The following MYO3A variants were observed in gnomAD, a reference collection of about 807,000 sequenced individuals.
MYO3A encodes the protein myosin-IIIa.
Under a neutral mutation model 192.7 loss-of-function variants are expected in MYO3A, and 180 were observed. The observed-to-expected ratio is 0.93, with a 90% CI of 0.83 to 1.06. The LOEUF (loss-of-function observed/expected upper bound fraction) is 1.06. Among genes scored for constraint, MYO3A ranks in the 50% least tolerant of loss-of-function variants. The pLI, the probability that MYO3A is intolerant of heterozygous loss-of-function variation, is 0.00. For missense variants in MYO3A, 1,896 were observed against 1,905.0 expected (o/e 1.00, Z 0.09); for synonymous variants, 628 against 645.3 (o/e 0.97, Z 0.41).
At chr10:26,178,947 G>A (rs1293252286) in intron 31 of MYO3A, among the ~76,000 whole-genome samples, 9 of 151,588 alleles carry the variant, frequency 5.9e-5, no homozygotes, top group African/African-American at 1.9e-4. Flanking sequence ...GGCTCCAGGC[G>A]CCAGCCACCA....
intron 28 of MYO3A, among the ~76,000 whole-genome samples, chr10:26,169,093 C>T (rs1458750171): frequency 6.6e-6 from 1 of 152,118 alleles, no homozygotes; most frequent in Non-Finnish European, 1.5e-5. Context: ...TTTAACTTTT[C>T]TGTCAAGAAT....
At chr10:26,011,157 A>C (rs1055556956) in intron 6 of MYO3A, among the ~76,000 whole-genome samples, 4 of 152,130 alleles carry the variant, frequency 2.6e-5, no homozygotes, top group Admixed American at 2.6e-4. Context: ...GGCCCAGGGT[A>C]GTGGCTCACA....
rs1355050159 is a variant in MYO3A at position 26,168,859 on chromosome 10, A to C, written c.3259A>C (p.Ile1087Leu). 6.2e-7 allele frequency: 1 copy of C among 1,610,594 alleles called. No homozygotes were observed. The highest frequency in any genetic ancestry group is 1.3e-5 in the African/African-American group (1 of 74,846). Residue 1087 changes from isoleucine to leucine, a missense_variant, in exon 28 of 35, where the codon ATA (isoleucine) becomes CTA (leucine). Physicochemically the swap from Ile to Leu is conservative, Grantham distance 5 (BLOSUM62 2). Coordinates refer to ENST00000642920, the MANE Select transcript of MYO3A (RefSeq NM_017433.5). ...KIQEKRKESA[I>L]IIQSAARGHL... ...ACAGGAGAAAAGGAAAGAAAGCGCT[A>C]TAATAATACAGTCAGGTAATCTCTT...
intron 15 of MYO3A, among the ~76,000 whole-genome samples, chr10:26,093,106 A>G (rs1836797146): frequency 6.6e-6 from 1 of 152,216 alleles, no homozygotes; most frequent in Admixed American, 6.5e-5. Context: ...AACAATCACA[A>G]ATGTTAACAC....
At chr10:25,982,304 T>A (rs1346273539) in intron 4 of MYO3A, among the ~76,000 whole-genome samples, 2 of 152,090 alleles carry the variant, frequency 1.3e-5, no homozygotes, top group African/African-American at 2.4e-5. Flanking sequence ...GGTCTTTCTC[T>A]ACCCACTCTG....
intron 10 of MYO3A, among the ~76,000 whole-genome samples, chr10:26,043,845 A>G (rs1331056671): frequency 6.6e-6 from 1 of 152,218 alleles, no homozygotes; most frequent in Admixed American, 6.5e-5. Context: ...TGCAAGACAC[A>G]GTCCCCTTTA....
At chr10:25,996,177 T>A (rs1840426063) in intron 4 of MYO3A, among the ~76,000 whole-genome samples, 1 of 152,226 alleles carries the variant, frequency 6.6e-6, no homozygotes, top group South Asian at 2.1e-4. Flanking sequence ...GGCCGCTTTG[T>A]TCACCTACTC....
chr10:26,178,564 A>G (rs1352583665), intron 31 of MYO3A, among the ~76,000 whole-genome samples: 1 of 151,306 alleles, frequency 6.6e-6, no homozygotes, highest in Non-Finnish European at 1.5e-5. Flanking sequence ...AAAAAAAAAA[A>G]AGCAAAAAGA....
intron 17 of MYO3A, among the ~76,000 whole-genome samples, chr10:26,104,679 TATAAATTTGAAGGATC>T (rs1837680662): frequency 6.6e-6 from 1 of 152,076 alleles, no homozygotes; most frequent in Non-Finnish European, 1.5e-5. Context: ...TAAACTTTAA[TATAAATTTGAAGGATC>T]ACCTTGTCAA....
intron 6 of MYO3A, among the ~76,000 whole-genome samples, chr10:26,013,362 T>G (rs2131023679): frequency 6.6e-6 from 1 of 152,208 alleles, no homozygotes; most frequent in East Asian, 1.9e-4. Flanking sequence ...GAGACAATAT[T>G]TGGAATCTAT....
At chr10:26,040,089 A>G (rs888693004) in intron 10 of MYO3A, among the ~76,000 whole-genome samples, 3 of 150,566 alleles carry the variant, frequency 2.0e-5, no homozygotes, top group Admixed American at 6.6e-5. Context: ...TATAATTTTT[A>G]TTTCAAGAAT....
At chr10:26,179,513 G>A (rs762143402) in intron 31 of MYO3A, among the ~76,000 whole-genome samples, 1 of 152,152 alleles carries the variant, frequency 6.6e-6, no homozygotes, top group Non-Finnish European at 1.5e-5. Flanking sequence ...GTTAACTCTT[G>A]TTTATATCAG....
Position 26,101,053 on chromosome 10 carries a change from A to G in MYO3A, c.1776+4371A>G, listed in dbSNP as rs562603263. 9.9e-5 allele frequency among the ~76,000 whole-genome samples: 15 copies of G among 152,194 alleles called. No individual in the cohort carries two copies. In the South Asian group the frequency reaches 1.2e-3, roughly 13 times the overall value. On this transcript the variant is annotated intron_variant, in intron 17 of 34. Transcript: ENST00000642920. ...TCTACGTCTCTTTGTAGGTCTCTAA[A>G]GACTTGCTTTATGAATCTGGGTGCT...
chr10:26,001,808 C>CCT (rs1840843129), intron 6 of MYO3A, among the ~76,000 whole-genome samples: 1 of 152,088 alleles, frequency 6.6e-6, no homozygotes, highest in African/African-American at 2.4e-5. Context: ...ATAGCAAGAC[C>CCT]CTGTCTCTAC....
At chr10:25,982,884 A>G (rs960382074) in intron 4 of MYO3A, among the ~76,000 whole-genome samples, 2 of 152,076 alleles carry the variant, frequency 1.3e-5, no homozygotes, top group Admixed American at 1.3e-4. Context: ...ACAAAACAAG[A>G]TTCTTTAACA....
At position 26,147,321 on chromosome 10, in the gene MYO3A, A is replaced by C. The variant is rs540319622; in HGVS notation, c.2506-109A>C. The C allele has an allele frequency of 7.6e-6, 9 of 1,177,648 alleles. No individual in the cohort carries two copies. The South Asian group carries it at 1.0e-4, about 13-fold the overall frequency. 72.9% of individuals were successfully genotyped at this position (1,177,648 alleles called of 1,614,324 possible). The stretch of plus-strand genomic sequence containing the variant: ...TAAATGCTTGTATCACTGTTGCTGA[A>C]CATAGAGTAAGCTCATAATGAGTAT... On this transcript the variant is annotated intron_variant, in intron 22 of 34. Transcript: ENST00000642920.
Position 26,088,298 on chromosome 10 carries a change from C to T in MYO3A, c.1455C>T (p.Ser485=), listed in dbSNP as rs763188102. ...NACTIINDNS[S]RFGKYLEMKF... Reference sequence around the variant, plus strand: ...GCACTATTATAAATGACAATTCTAGCAGATTTGGAAAATACTTAGAAATGA... The same window carrying T: ...GCACTATTATAAATGACAATTCTAGTAGATTTGGAAAATACTTAGAAATGA... Residue 485 remains serine, a synonymous_variant, in exon 15 of 35, where the codon AGC becomes AGT. Coordinates refer to ENST00000642920, the MANE Select transcript of MYO3A (RefSeq NM_017433.5). The T allele has an allele frequency of 6.2e-7, 1 of 1,613,570 alleles. No individual in the cohort carries two copies. Among genetic ancestry groups the T allele is most frequent in the South Asian group, 1.1e-5 (1 of 91,072 alleles).
intron 17 of MYO3A, among the ~76,000 whole-genome samples, chr10:26,097,201 T>C (rs1837091786): frequency 6.6e-6 from 1 of 152,054 alleles, no homozygotes; most frequent in Non-Finnish European, 1.5e-5. Context: ...TCTGATGCAA[T>C]TCTGACTTCA....
At chr10:25,946,853 G>A (rs1836865480) in intron 2 of MYO3A, among the ~76,000 whole-genome samples, 1 of 124,048 alleles carries the variant, frequency 8.1e-6, no homozygotes, top group Non-Finnish European at 1.6e-5. Context: ...ACTCTGGCCT[G>A]GGTGACAGAG....
Sources: gnomAD v4.1 joint callset for allele counts (sites outside exome capture counted in the v4.1 genomes callset) on GRCh38, gnomAD v4.1.1 for gene constraint, MANE v1.5 for transcripts, NCBI Gene and HGNC (gene_info 2026-07-23, HGNC 2026-07-21) for gene names.